Variants in ARFGAP3 observed in about 807,000 individuals in gnomAD.
The protein encoded by ARFGAP3 is ADP-ribosylation factor GTPase-activating protein 3.
ARFGAP3 carries 72 observed loss-of-function variants against 75.0 expected under a neutral mutation model. That is an observed-to-expected ratio of 0.96 (90% CI 0.79 to 1.17). ARFGAP3 has a LOEUF of 1.17. Ranked by LOEUF, ARFGAP3 falls within the 50% of genes most tolerant of loss-of-function variation. The probability of loss-of-function intolerance (pLI) is 0.00; values close to 1 mark genes in which losing one functional copy is unlikely to be tolerated. For synonymous variants in ARFGAP3, 221 were observed against 217.9 expected (o/e 1.01, Z -0.13); for missense variants, 620 against 626.6 (o/e 0.99, Z 0.11).
chr22:42,845,343 G>C (rs1193626882), intron 2 of ARFGAP3, among the ~76,000 whole-genome samples: 1 of 151,658 alleles, frequency 6.6e-6, no homozygotes, highest in Admixed American at 6.6e-5. Flanking sequence ...TGGCCAACAC[G>C]GCGAAACTCT....
chr22:42,832,842 A>T (rs1926355932), intron 5 of ARFGAP3, among the ~76,000 whole-genome samples: 1 of 152,064 alleles, frequency 6.6e-6, no homozygotes, highest in Admixed American at 6.6e-5. Flanking sequence ...AAAATTAGCC[A>T]GGTGTGGTGG....
intron 9 of ARFGAP3, among the ~76,000 whole-genome samples, chr22:42,821,140 C>T (rs779337588): frequency 6.6e-6 from 1 of 152,226 alleles, no homozygotes; most frequent in African/African-American, 2.4e-5. Context: ...CCTCTGGAGA[C>T]ACGACCAGAG....
intron 9 of ARFGAP3, among the ~76,000 whole-genome samples, chr22:42,818,262 GATAA>G (rs1925666645): frequency 1.3e-5 from 2 of 150,886 alleles, no homozygotes; most frequent in African/African-American, 2.4e-5. Context: ...CTTGATTTAA[GATAA>G]ATAAATAAAT....
At chr22:42,842,308 T>C (rs1165857254) in intron 2 of ARFGAP3, among the ~76,000 whole-genome samples, 5 of 49,780 alleles carry the variant, frequency 1.0e-4, no homozygotes, top group African/African-American at 2.0e-4. Context: ...CCTGGCCTTT[T>C]TTTTTTTTTT....
Position 42,799,072 on chromosome 22 carries a change from G to C in ARFGAP3, c.1500C>G (p.Ser500=). ...QGVRSVAGKL[S]VFANGVVTSI... ...AAGTCACGACTCCATTAGCAAAGAC[G>C]GAGAGTTTTCCAGCAACCGATCTCA... is the stretch of plus-strand genomic sequence containing the variant. The change falls in exon 15 of 16, where the codon TCC becomes TCG. Residue 500 remains serine (S), a synonymous_variant. Coordinates refer to ENST00000263245, the MANE Select transcript of ARFGAP3 (RefSeq NM_014570.5). 1 of 1,614,158 alleles carries C rather than the reference G, an allele frequency of 6.2e-7. No individual in the cohort carries two copies. Among genetic ancestry groups the C allele is most frequent in the African/African-American group, 1.3e-5 (1 of 75,030 alleles).
Position 42,826,996 on chromosome 22 carries a change from C to T in ARFGAP3, c.569G>A (p.Gly190Glu). ...TTCCACACTTGGTCCTTGCTCTTGT[C>T]CACCTGAAAATTCAAAACATTGATA... is the stretch of plus-strand genomic sequence containing the variant. ...VETTLENNEG[G>E]QEQGPSVEGL... Residue 190 changes from glycine (G) to glutamate (E), a missense_variant, in exon 7 of 16, where the codon GGA (glycine) becomes GAA (glutamate). By Grantham distance (98) the Gly-to-Glu change is moderately conservative. Coordinates refer to ENST00000263245, the MANE Select transcript of ARFGAP3 (RefSeq NM_014570.5). The T allele has an allele frequency of 1.2e-6, 2 of 1,613,176 alleles. No homozygotes were observed. The highest frequency in any genetic ancestry group is 1.7e-6 in the Non-Finnish European group (2 of 1,179,808).
intron 14 of ARFGAP3, 103 bp from the exon 15 acceptor site, chr22:42,799,263 C>T: frequency 6.5e-7 from 1 of 1,540,400 alleles, no homozygotes; most frequent in Non-Finnish European, 8.8e-7. Flanking sequence ...CGGATCTCTC[C>T]CCTCCTGCTG....
At chr22:42,822,453 G>C in intron 8 of ARFGAP3, 44 bp from the exon 9 acceptor site, 1 of 1,597,904 alleles carries the variant, frequency 6.3e-7, no homozygotes, top group Non-Finnish European at 8.5e-7. Context: ...CTGTTTGAAA[G>C]CTTCTGTGAC....
chr22:42,850,038 T>C (rs975045674), intron 1 of ARFGAP3, among the ~76,000 whole-genome samples: 5 of 152,154 alleles, frequency 3.3e-5, no homozygotes, highest in Non-Finnish European at 1.5e-5. Flanking sequence ...TAAAAACGTA[T>C]TGCCAGCTCA....
chr22:42,824,528 CT>C (rs111869150), intron 7 of ARFGAP3, among the ~76,000 whole-genome samples: 11,820 of 135,180 alleles, frequency 0.087, 981 homozygotes, highest in African/African-American at 0.23. Flanking sequence ...GGTTTTCTTT[CT>C]TTTTTTTTTT....
chr22:42,810,979 G>A, intron 11 of ARFGAP3, 35 bp from the exon 12 acceptor site: 1 of 1,606,840 alleles, frequency 6.2e-7, no homozygotes. Flanking sequence ...GACTTTGGAG[G>A]TCCTTGTTGA....
chr22:42,839,472 C>A (rs1465263502), intron 3 of ARFGAP3, among the ~76,000 whole-genome samples: 1 of 151,740 alleles, frequency 6.6e-6, no homozygotes, highest in Non-Finnish European at 1.5e-5. Context: ...GTGACGTGCA[C>A]CTGTAGTCCC....
chr22:42,799,996 C>T (rs1028583152), intron 14 of ARFGAP3, among the ~76,000 whole-genome samples: 2 of 152,208 alleles, frequency 1.3e-5, no homozygotes, highest in South Asian at 4.1e-4. Context: ...TTTTGGTTGC[C>T]CTGATGTAAA....
intron 10 of ARFGAP3, 24 bp from the exon 11 acceptor site, chr22:42,817,288 A>G (rs1398243974): frequency 1.9e-6 from 3 of 1,574,742 alleles, no homozygotes; most frequent in South Asian, 1.2e-5. Context: ...AAAAATATAT[A>G]TATCAGTAAG....
chr22:42,817,756 AGTCT>A lies in ARFGAP3; in HGVS notation c.910_913del (p.Arg304SerfsTer16). 6 of 1,613,242 alleles carry A rather than the reference AGTCT, an allele frequency of 3.7e-6. No homozygotes were observed. The highest frequency in any genetic ancestry group is 2.2e-5 in the South Asian group (2 of 90,990). ...TCTGCAATTTCCAAATCCCATGCCGAGTCTGTCTGAGTCAACATTTTTTTTGCCA... is the reference window on the plus strand; with the variant it reads ...TCTGCAATTTCCAAATCCCATGCCGAGTCTGAGTCAACATTTTTTTTGCCA... On this transcript the variant is annotated frameshift_variant, in exon 10 of 16. Transcript: ENST00000263245. LOFTEE classifies it high-confidence loss of function.
At chr22:42,798,892 CATA>C (rs1208914602) in intron 15 of ARFGAP3, 144 bp downstream of exon 15, 1 of 648,702 alleles carries the variant, frequency 1.5e-6, no homozygotes, top group Non-Finnish European at 2.7e-6. Context: ...TTCTGGTTTT[CATA>C]ATGTTCTGGG....
rs933567952 is a variant in ARFGAP3 at position 42,796,966 on chromosome 22, G to C, written c.*622C>G. The C allele has an allele frequency of 3.0e-4, 46 of 152,302 alleles. No individual in the cohort carries two copies. Among genetic ancestry groups the C allele is most frequent in the African/African-American group, 9.9e-4 (41 of 41,516 alleles). 9.4% of individuals were successfully genotyped at this position (152,302 alleles called of 1,614,324 possible). A position where few individuals can be genotyped will look rare whatever the true frequency, so the allele number is the denominator to read the frequency against. On this transcript the variant is annotated 3_prime_UTR_variant, in exon 16 of 16. Transcript: ENST00000263245. ...TTCACAAGATAACATTAATTCCCTT[G>C]GCAGGGCAGAAGCTTAAGTTTGTTA...
chr22:42,857,272 G>T lies in ARFGAP3; in HGVS notation c.-90C>A. 6.9e-7 allele frequency: 1 copy of T among 1,457,668 alleles called. No individual in the cohort carries two copies. Among genetic ancestry groups the T allele is most frequent in the Non-Finnish European group, 9.1e-7 (1 of 1,098,060 alleles). The allele number at this position is 1,457,668 out of a possible 1,614,324, so 90.3% of individuals were successfully genotyped here. A position where few individuals can be genotyped will look rare whatever the true frequency, so the allele number is the denominator to read the frequency against. On this transcript the variant is annotated 5_prime_UTR_variant, in exon 1 of 16. Coordinates refer to ENST00000263245, the MANE Select transcript of ARFGAP3 (RefSeq NM_014570.5). ...CCGCCTCAGCAGGAGCGACGAGGCCGCGGGGGCGGGGCTGCGCGTAACGGT... is the reference window on the plus strand; with the variant it reads ...CCGCCTCAGCAGGAGCGACGAGGCCTCGGGGGCGGGGCTGCGCGTAACGGT...
chr22:42,841,276 C>T (rs1170619784), intron 2 of ARFGAP3, among the ~76,000 whole-genome samples: 2 of 152,164 alleles, frequency 1.3e-5, no homozygotes, highest in Non-Finnish European at 2.9e-5. Flanking sequence ...GGAACGACAC[C>T]AACTCTTTGC....
Sources: allele counts gnomAD v4.1 joint callset (sites outside exome capture counted in the v4.1 genomes callset), GRCh38; gene constraint gnomAD v4.1.1; transcripts MANE v1.5; gene names NCBI Gene and HGNC (gene_info 2026-07-23, HGNC 2026-07-21).